Variants in ACOXL observed in about 807,000 individuals in gnomAD.
The protein encoded by ACOXL is acyl-CoA oxidase like, also known as acyl-coenzyme A oxidase-like protein.
A neutral mutation model predicts 71.9 loss-of-function variants in ACOXL; 70 were observed. That is an observed-to-expected ratio of 0.97 (90% CI 0.80 to 1.19). The LOEUF is 1.19. Ranked by LOEUF, ACOXL falls within the 50% of genes most tolerant of loss-of-function variation. The probability of loss-of-function intolerance (pLI) is 0.00; values close to 1 mark genes in which losing one functional copy is unlikely to be tolerated. For missense variants in ACOXL, 703 were observed against 736.3 expected (o/e 0.95, Z 0.52); for synonymous variants, 253 against 281.6 (o/e 0.90, Z 1.02).
chr2:111,029,950 C>T (rs2065189153), intron 14 of ACOXL, among the ~76,000 whole-genome samples: 1 of 152,084 alleles, frequency 6.6e-6, no homozygotes, highest in African/African-American at 2.4e-5. Flanking sequence ...GAAGTCCCTT[C>T]TTCAGGCAGG....
intron 17 of ACOXL, chr2:111,099,157 C>T (rs1278907386): frequency 1.3e-5 from 2 of 152,216 alleles, no homozygotes; most frequent in African/African-American, 4.8e-5. Context: ...ATATGCTTCT[C>T]CAAAGCAGGC....
At chr2:110,819,132 G>C (rs1405715206) in intron 9 of ACOXL, among the ~76,000 whole-genome samples, 1 of 152,200 alleles carries the variant, frequency 6.6e-6, no homozygotes, top group Non-Finnish European at 1.5e-5. Flanking sequence ...TGGATGTTTA[G>C]CTGGGAAAGA....
intron 14 of ACOXL, among the ~76,000 whole-genome samples, chr2:111,021,302 T>A (rs568381725): frequency 1.4e-4 from 22 of 152,292 alleles, no homozygotes; most frequent in African/African-American, 4.8e-4. Flanking sequence ...TACAGTCCTG[T>A]CTGGGCACTT....
At chr2:110,768,919 G>A (rs997403091) in intron 2 of ACOXL, among the ~76,000 whole-genome samples, 1 of 151,710 alleles carries the variant, frequency 6.6e-6, no homozygotes, top group African/African-American at 2.4e-5. Context: ...CTCGGTGGAG[G>A]AGAGTGTCTT....
chr2:110,936,266 CT>C (rs2060658985), intron 12 of ACOXL, among the ~76,000 whole-genome samples: 1 of 152,012 alleles, frequency 6.6e-6, no homozygotes, highest in Non-Finnish European at 1.5e-5. Flanking sequence ...GTTACCCGCA[CT>C]GTTATTATTA....
At chr2:110,791,116 T>G (rs2105237351) in intron 3 of ACOXL, among the ~76,000 whole-genome samples, 2 of 152,352 alleles carry the variant, frequency 1.3e-5, no homozygotes, top group African/African-American at 4.8e-5. Flanking sequence ...CCACCTGCAT[T>G]TGGCCCAGCT....
intron 5 of ACOXL, among the ~76,000 whole-genome samples, chr2:110,794,582 C>T (rs746998747): frequency 6.6e-6 from 1 of 152,192 alleles, no homozygotes; most frequent in Non-Finnish European, 1.5e-5. Flanking sequence ...GGGCACTATG[C>T]TGGGGCCACC....
chr2:111,083,159 G>A (rs1305143882), intron 16 of ACOXL, among the ~76,000 whole-genome samples: 1 of 152,074 alleles, frequency 6.6e-6, no homozygotes, highest in Non-Finnish European at 1.5e-5. Context: ...TTCTGCGCAT[G>A]TATCCCAGAA....
At chr2:111,043,913 CA>C (rs985147156) in intron 15 of ACOXL, among the ~76,000 whole-genome samples, 39 of 152,198 alleles carry the variant, frequency 2.6e-4, no homozygotes, top group Non-Finnish European at 1.8e-4. Flanking sequence ...TCAGCTGGTG[CA>C]ATCTCCTCTT....
chr2:111,023,871 G>A (rs975043363), intron 14 of ACOXL, among the ~76,000 whole-genome samples: 2 of 152,172 alleles, frequency 1.3e-5, no homozygotes, highest in Admixed American at 6.5e-5. Flanking sequence ...CCTAGGCTGC[G>A]ATGGTGGAAG....
chr2:110,926,722 CA>C (rs2060283678), intron 11 of ACOXL, among the ~76,000 whole-genome samples: 1 of 152,114 alleles, frequency 6.6e-6, no homozygotes, highest in Non-Finnish European at 1.5e-5. Context: ...CCTGTCCCAC[CA>C]ATTACCACAT....
chr2:111,106,325 T>G (rs994643022), intron 17 of ACOXL, among the ~76,000 whole-genome samples: 1 of 152,214 alleles, frequency 6.6e-6, no homozygotes, highest in African/African-American at 2.4e-5. Context: ...GTTTTTAATT[T>G]GGGTCATTGT....
rs372265422 is a variant in ACOXL at position 110,793,682 on chromosome 2, T to C, written c.192T>C (p.Ala64=). The change falls in exon 4 of 18, where the codon GCT becomes GCC. Residue 64 remains alanine (A), a synonymous_variant. Coordinates refer to ENST00000439055, the MANE Select transcript of ACOXL (RefSeq NM_001142807.4). The part of the protein sequence containing the change: ...CGIIYWLFGG[A]IRNLGSPEHV... ...TAATTTATTGGCTATTTGGTGGTGC[T>C]ATCAGGAATCTCGGAAGCCCTGAAC... 8.1e-6 allele frequency: 13 copies of C among 1,614,066 alleles called. No homozygotes were observed. In the African/African-American group the frequency reaches 1.6e-4, roughly 20 times the overall value.
At chr2:110,942,461 G>A (rs943775002) in intron 12 of ACOXL, among the ~76,000 whole-genome samples, 1 of 152,154 alleles carries the variant, frequency 6.6e-6, no homozygotes, top group Non-Finnish European at 1.5e-5. Context: ...GAATATTGCC[G>A]AGAATAAATA....
Position 111,060,897 on chromosome 2 carries a change from C to T in ACOXL, c.1440+11609C>T, listed in dbSNP as rs891697703. ...TGAAATAAGAATCTCAGTAGATGGGCTCAACAGCAGAATGGAGAGAACAGA... is the reference window on the plus strand; with the variant it reads ...TGAAATAAGAATCTCAGTAGATGGGTTCAACAGCAGAATGGAGAGAACAGA... On this transcript the variant is annotated intron_variant, in intron 16 of 17. Transcript: ENST00000439055. Among the ~76,000 whole-genome samples the T allele has an allele frequency of 7.8e-4, 119 of 152,032 alleles. 1 individual carries two copies. Among genetic ancestry groups the T allele is most frequent in the African/African-American group, 2.8e-3 (115 of 41,382 alleles).
intron 11 of ACOXL, among the ~76,000 whole-genome samples, chr2:110,920,350 G>A (rs896108209): frequency 1.3e-5 from 2 of 152,092 alleles, no homozygotes; most frequent in African/African-American, 2.4e-5. Context: ...GTCTTTTCAT[G>A]TACTTATTTG....
At chr2:110,886,568 G>A (rs1195256719) in intron 10 of ACOXL, among the ~76,000 whole-genome samples, 5 of 151,916 alleles carry the variant, frequency 3.3e-5, no homozygotes, top group Non-Finnish European at 7.4e-5. Context: ...TAGTAGAGAT[G>A]GGGTTTCACC....
At chr2:111,092,194 G>C (rs1327594778) in intron 16 of ACOXL, among the ~76,000 whole-genome samples, 3 of 152,160 alleles carry the variant, frequency 2.0e-5, no homozygotes, top group African/African-American at 7.2e-5. Context: ...GGGTGATGGA[G>C]ACATGAGGCC....
intron 2 of ACOXL, among the ~76,000 whole-genome samples, chr2:110,783,216 G>T (rs1683556537): frequency 6.6e-6 from 1 of 152,170 alleles, no homozygotes; most frequent in African/African-American, 2.4e-5. Flanking sequence ...CTCCCGTGTA[G>T]GGTTGTTGTG....
Sources: gnomAD v4.1 joint callset for allele counts (sites outside exome capture counted in the v4.1 genomes callset) on GRCh38, gnomAD v4.1.1 for gene constraint, MANE v1.5 for transcripts, NCBI Gene and HGNC (gene_info 2026-07-23, HGNC 2026-07-21) for gene names.